USP47: variants seen among roughly 807,000 people sequenced by gnomAD.
USP47 encodes the protein ubiquitin carboxyl-terminal hydrolase 47.
USP47 carries 35 observed loss-of-function variants against 165.1 expected under a neutral mutation model. The observed-to-expected ratio is 0.21, with a 90% CI of 0.16 to 0.28. The LOEUF (loss-of-function observed/expected upper bound fraction) is 0.28, where lower values mean the gene tolerates loss of function less well. Ranked by LOEUF, USP47 falls within the 10% of genes least tolerant of loss-of-function variation. USP47 has a pLI of 1.00. For missense variants in USP47, 1,277 were observed against 1,607.4 expected (o/e 0.79, Z 3.52); for synonymous variants, 531 against 544.5 (o/e 0.98, Z 0.35).
In USP47 at chr11:11,880,247, A is replaced by G. The variant is rs1850743627; in HGVS notation, c.110A>G (p.Asn37Ser). ...IQDTTNSKTV[N>S]ERITLNLPAS... Reference sequence around the variant, plus strand: ...GATACTACTAATTCAAAGACAGTGAATGAACGGATCACTTTAAATTTACCA... The same window carrying G: ...GATACTACTAATTCAAAGACAGTGAGTGAACGGATCACTTTAAATTTACCA... Residue 37 changes from asparagine (N) to serine (S), a missense_variant, in exon 2 of 28, where the codon AAT becomes AGT. Physicochemically the swap from Asn to Ser is conservative, Grantham distance 46. Around this residue, in one of 4 missense-constraint regions of USP47, gnomAD observed 181 missense variants for 194.7 expected, o/e 0.93. Transcript: ENST00000527733. 2 of 1,464,110 alleles carry G rather than the reference A, an allele frequency of 1.4e-6. No individual in the cohort carries two copies. The highest frequency in any genetic ancestry group is 1.8e-6 in the Non-Finnish European group (2 of 1,118,832). The allele number at this position is 1,464,110 out of a possible 1,614,324, so 90.7% of individuals were successfully genotyped here.
chr11:11,912,656 A>G (rs1292591040), intron 8 of USP47, among the ~76,000 whole-genome samples: 1 of 152,114 alleles, frequency 6.6e-6, no homozygotes, highest in East Asian at 1.9e-4. Context: ...AAAAGAAAGG[A>G]AGAGGAGGAA....
intron 1 of USP47, among the ~76,000 whole-genome samples, chr11:11,848,733 C>G (rs887586292): frequency 1.3e-5 from 2 of 151,656 alleles, no homozygotes; most frequent in Non-Finnish European, 2.9e-5. Context: ...CCTCAGCCTC[C>G]TGAGTAGCTG....
At chr11:11,876,105 C>T (rs1850401134) in intron 1 of USP47, among the ~76,000 whole-genome samples, 1 of 152,066 alleles carries the variant, frequency 6.6e-6, no homozygotes, top group African/African-American at 2.4e-5. Context: ...AGGATTTATA[C>T]CTTTTTTTGT....
intron 1 of USP47, among the ~76,000 whole-genome samples, chr11:11,847,279 G>GT (rs760902600): frequency 0.022 from 3,083 of 141,820 alleles, 71 homozygotes; most frequent in African/African-American, 0.059. Context: ...TTTACATAGT[G>GT]TTTTTTTTTT....
chr11:11,951,754 CAAGTT>C (rs374236735), intron 24 of USP47: 7 of 152,178 alleles, frequency 4.6e-5, no homozygotes, highest in East Asian at 3.9e-4. Context: ...GATTAATTGA[CAAGTT>C]AAGTTGGGAG....
chr11:11,852,371 T>G (rs1848775807), intron 1 of USP47, among the ~76,000 whole-genome samples: 1 of 152,178 alleles, frequency 6.6e-6, no homozygotes, highest in South Asian at 2.1e-4. Flanking sequence ...ATAATCCAAT[T>G]CTATATCATT....
intron 11 of USP47, among the ~76,000 whole-genome samples, chr11:11,925,038 A>G (rs1476616695): frequency 6.6e-6 from 1 of 150,790 alleles, no homozygotes; most frequent in Admixed American, 6.6e-5. Flanking sequence ...CTTCCAGTTC[A>G]TGAACAGAGG....
At chr11:11,895,761 G>GC (rs1269807690) in intron 4 of USP47, among the ~76,000 whole-genome samples, 1 of 152,090 alleles carries the variant, frequency 6.6e-6, no homozygotes, top group African/African-American at 2.4e-5. Flanking sequence ...TTTTTTAACA[G>GC]CCTTTTTATC....
chr11:11,957,125 A>G lies in USP47; in HGVS notation c.*950A>G, dbSNP rs988262468. ...GAGGTTTCTCTGTTCAGCGGCTTCA[A>G]TTTTTTTCTCTTTGTACATCTAGTT... is the stretch of plus-strand genomic sequence containing the variant. On this transcript the variant is annotated 3_prime_UTR_variant, in exon 28 of 28. Transcript: ENST00000527733. 1 of 152,102 alleles carries G rather than the reference A, an allele frequency of 6.6e-6. No homozygotes were observed. The highest frequency in any genetic ancestry group is 2.4e-5 in the African/African-American group (1 of 41,420). 9.4% of individuals were successfully genotyped at this position (152,102 alleles called of 1,614,324 possible).
In USP47 at chr11:11,855,304, T is replaced by C. The variant is rs544867587; in HGVS notation, c.39+13080T>C. ...TAAAGCAGGATCCATATTAAGACAG[T>C]TTCTGAGAGAACTTGATGTGTTTGA... On this transcript the variant is annotated intron_variant, in intron 1 of 27. Coordinates refer to ENST00000527733, the MANE Select transcript of USP47 (RefSeq NM_001282659.2). Among the ~76,000 whole-genome samples, 3 of 152,340 alleles carry C rather than the reference T, an allele frequency of 2.0e-5. No individual in the cohort carries two copies. In the East Asian group the frequency reaches 5.8e-4, roughly 29 times the overall value.
At chr11:11,887,060 C>T (rs1851208301) in intron 3 of USP47, among the ~76,000 whole-genome samples, 1 of 152,122 alleles carries the variant, frequency 6.6e-6, no homozygotes, top group African/African-American at 2.4e-5. Flanking sequence ...TTAGGCCTGC[C>T]TTGCAAGAGC....
chr11:11,848,810 A>G (rs949761526), intron 1 of USP47, among the ~76,000 whole-genome samples: 1 of 151,998 alleles, frequency 6.6e-6, no homozygotes, highest in East Asian at 1.9e-4. Context: ...GGGGTTTCAC[A>G]GTGTTAGCCA....
At position 11,955,402 on chromosome 11, in the gene USP47, A is replaced by T. The variant is rs148866208; in HGVS notation, c.3893+238A>T. 5.0e-3 allele frequency among the ~76,000 whole-genome samples: 767 copies of T among 152,368 alleles called. 10 individuals carry two copies. The highest frequency in any genetic ancestry group is 0.018 in the African/African-American group (736 of 41,590). On this transcript the variant is annotated intron_variant, in intron 27 of 27. Transcript: ENST00000527733. ...ATTGTAAACCCAATATATCCAAAAT[A>T]TGATCATTACATGTCATCAGTATAA...
At chr11:11,881,547 AG>A (rs1473119814) in intron 2 of USP47, among the ~76,000 whole-genome samples, 2 of 151,650 alleles carry the variant, frequency 1.3e-5, no homozygotes, top group African/African-American at 2.4e-5. Flanking sequence ...GGTTCCCCTT[AG>A]TTTTATTTTT....
At chr11:11,924,415 A>G (rs534582456) in intron 11 of USP47, among the ~76,000 whole-genome samples, 2 of 152,132 alleles carry the variant, frequency 1.3e-5, no homozygotes, top group South Asian at 4.2e-4. Context: ...AGATGCATTG[A>G]TCTGTAGTTT....
chr11:11,940,692 C>G, intron 19 of USP47, 144 bp downstream of exon 19: 1 of 899,772 alleles, frequency 1.1e-6, no homozygotes, highest in Non-Finnish European at 1.6e-6. Flanking sequence ...AATTACCTTC[C>G]TTTGTAGTCA....
At chr11:11,939,674 C>T (rs1855330934) in intron 18 of USP47, among the ~76,000 whole-genome samples, 1 of 151,858 alleles carries the variant, frequency 6.6e-6, no homozygotes, top group Admixed American at 6.6e-5. Flanking sequence ...AGCACTCACA[C>T]ATAATACAAA....
chr11:11,945,946 A>T (rs933452522), intron 20 of USP47, among the ~76,000 whole-genome samples: 1 of 151,106 alleles, frequency 6.6e-6, no homozygotes. Context: ...CCCCCAAAAA[A>T]AAAAGAAAAG....
rs374782538 is a variant in USP47 at position 11,956,110 on chromosome 11, C to G, written c.4003C>G (p.Arg1335Gly). The part of the protein sequence containing the change: ...KTGHRVTYSP[R>G]KEKALKIYLD... ...TGGACATCGTGTAACATACTCACCT[C>G]GTAAAGAGAAAGCACTAAAAATATA... Residue 1335 changes from arginine to glycine, a missense_variant, in exon 28 of 28, where the codon CGT (arginine) becomes GGT (glycine). This residue lies in a region of USP47 where 909 missense variants were observed against 1,068.1 expected (regional missense o/e 0.85). Coordinates refer to ENST00000527733, the MANE Select transcript of USP47 (RefSeq NM_001282659.2). 6.2e-7 allele frequency: 1 copy of G among 1,613,794 alleles called. No individual in the cohort carries two copies. The highest frequency in any genetic ancestry group is 8.5e-7 in the Non-Finnish European group (1 of 1,179,872).
Sources: gnomAD v4.1 joint callset for allele counts (sites outside exome capture counted in the v4.1 genomes callset) on GRCh38, gnomAD v4.1.1 for gene constraint, gnomAD v4.1.1 regional missense constraint, MANE v1.5 for transcripts, NCBI Gene and HGNC (gene_info 2026-07-23, HGNC 2026-07-21) for gene names.